IL1RAPL2: variants seen among roughly 807,000 people sequenced by gnomAD.
IL1RAPL2 encodes the protein interleukin 1 receptor accessory protein like 2, also known as X-linked interleukin-1 receptor accessory protein-like 2.
Under a neutral mutation model 44.1 loss-of-function variants are expected in IL1RAPL2, and 3 were observed. That is an observed-to-expected ratio of 0.07 (90% CI 0.03 to 0.18). The LOEUF (loss-of-function observed/expected upper bound fraction) is 0.18, where lower values mean the gene tolerates loss of function less well. Among genes scored for constraint, IL1RAPL2 ranks in the 10% least tolerant of loss-of-function variants. The pLI is 1.00. For synonymous variants in IL1RAPL2, 181 were observed against 178.8 expected, an observed-to-expected ratio of 1.01 and a Z score of -0.10; for missense variants, 391 against 496.4, an observed-to-expected ratio of 0.79 and a Z score of 2.02.
intron 2 of IL1RAPL2, among the ~76,000 whole-genome samples, chrX:104,769,687 T>C (rs1932610316): frequency 8.9e-6 from 1 of 112,010 alleles, no homozygotes; most frequent in African/African-American, 3.2e-5. Context: ...AATAGTTCCC[T>C]TAGAGATTGG....
chrX:105,384,530 A>G (rs1361578085), intron 5 of IL1RAPL2, among the ~76,000 whole-genome samples: 1 of 111,563 alleles, frequency 9.0e-6, no homozygotes, highest in African/African-American at 3.3e-5. Context: ...TATAATTTGA[A>G]GTCAAGGACT....
At chrX:104,863,344 C>A (rs1187683562) in intron 2 of IL1RAPL2, among the ~76,000 whole-genome samples, 1 of 111,555 alleles carries the variant, frequency 9.0e-6, no homozygotes, top group Non-Finnish European at 1.9e-5. Flanking sequence ...TCTCTTGTGG[C>A]AGGTTGGAGA....
intron 3 of IL1RAPL2, among the ~76,000 whole-genome samples, chrX:105,203,539 T>C (rs1297070681): frequency 1.8e-5 from 2 of 111,968 alleles, no homozygotes; most frequent in Non-Finnish European, 3.8e-5. Context: ...AAGTGTTGTC[T>C]GCATTCAGTT....
chrX:104,778,919 A>T (rs1370067261), intron 2 of IL1RAPL2, among the ~76,000 whole-genome samples: 1 of 110,385 alleles, frequency 9.1e-6, no homozygotes, highest in Admixed American at 9.8e-5. Context: ...AGGAGAGAAA[A>T]ATTTGTCCCT....
intron 2 of IL1RAPL2, among the ~76,000 whole-genome samples, chrX:104,980,793 A>G (rs2030421759): frequency 8.9e-6 from 1 of 111,736 alleles, no homozygotes; most frequent in Non-Finnish European, 1.9e-5. Context: ...TGCTTTGGCT[A>G]TTTGGACCTT....
intron 2 of IL1RAPL2, among the ~76,000 whole-genome samples, chrX:104,674,834 A>G (rs1314135343): frequency 1.8e-5 from 2 of 111,657 alleles, no homozygotes; most frequent in East Asian, 2.8e-4. Context: ...GGGAGAGTGT[A>G]TGTGTCAAGG....
At chrX:105,342,379 A>G (rs2035078464) in intron 5 of IL1RAPL2, among the ~76,000 whole-genome samples, 1 of 112,538 alleles carries the variant, frequency 8.9e-6, no homozygotes. Flanking sequence ...GTAATTTCAT[A>G]GAAAGGTCTA....
At chrX:104,600,459 C>A (rs1928858796) in intron 1 of IL1RAPL2, among the ~76,000 whole-genome samples, 1 of 111,111 alleles carries the variant, frequency 9.0e-6, no homozygotes, top group Admixed American at 9.6e-5. Flanking sequence ...TTCAGTTAAC[C>A]TAGGTTTTAG....
In IL1RAPL2 at chrX:104,677,815, C is replaced by G. The variant is rs750143248; in HGVS notation, c.82+18820C>G. On this transcript the variant is annotated intron_variant, in intron 2 of 10. Transcript: ENST00000372582. The stretch of plus-strand genomic sequence containing the variant: ...ATCTCGTGGTGCGCCGTTTTTTAAG[C>G]TCGTCGGAAAAGCGCGGTATTCGGG... Among the ~76,000 whole-genome samples the G allele has an allele frequency of 2.1e-4, 24 of 112,035 alleles. 1 individual carries two copies. The highest frequency in any genetic ancestry group is 9.3e-3 in the Middle Eastern group (2 of 216).
intron 5 of IL1RAPL2, among the ~76,000 whole-genome samples, chrX:105,401,689 C>A (rs1011720908): frequency 9.1e-6 from 1 of 110,496 alleles, no homozygotes; most frequent in Non-Finnish European, 1.9e-5. Flanking sequence ...GATCATCAAT[C>A]AGTGATTGAT....
chrX:105,539,380 A>G (rs1324835496), intron 6 of IL1RAPL2, among the ~76,000 whole-genome samples: 1 of 111,388 alleles, frequency 9.0e-6, no homozygotes, highest in Non-Finnish European at 1.9e-5. Flanking sequence ...TCATACTGAC[A>G]GCATCTGATA....
At chrX:104,630,720 T>C (rs1019686914) in intron 1 of IL1RAPL2, among the ~76,000 whole-genome samples, 1 of 111,936 alleles carries the variant, frequency 8.9e-6, no homozygotes, top group African/African-American at 3.2e-5. Context: ...AGGCACTGCA[T>C]CAAATCTGTA....
chrX:104,838,831 C>T (rs1602751291), intron 2 of IL1RAPL2, among the ~76,000 whole-genome samples: 1 of 52,013 alleles, frequency 1.9e-5, no homozygotes, highest in Non-Finnish European at 3.8e-5. Flanking sequence ...TTCTTTCTTT[C>T]TTTCTTTCTT....
At chrX:104,593,142 C>T (rs1054271191) in intron 1 of IL1RAPL2, among the ~76,000 whole-genome samples, 1 of 111,362 alleles carries the variant, frequency 9.0e-6, no homozygotes, top group African/African-American at 3.3e-5. Context: ...TGCAGGGCTG[C>T]TAACATTGGA....
chrX:104,750,644 T>G (rs1321935117), intron 2 of IL1RAPL2, among the ~76,000 whole-genome samples: 1 of 110,839 alleles, frequency 9.0e-6, no homozygotes, highest in Non-Finnish European at 1.9e-5. Context: ...GACTTGGGCG[T>G]GCACTTGCCT....
intron 6 of IL1RAPL2, among the ~76,000 whole-genome samples, chrX:105,680,261 A>G (rs1348809886): frequency 9.0e-6 from 1 of 111,707 alleles, no homozygotes; most frequent in East Asian, 2.8e-4. Flanking sequence ...GTCCTCCCAA[A>G]GTGTTGGGAT....
intron 2 of IL1RAPL2, among the ~76,000 whole-genome samples, chrX:105,184,519 A>G (rs1359882819): frequency 3.6e-5 from 4 of 109,825 alleles, no homozygotes; most frequent in Non-Finnish European, 7.6e-5. Flanking sequence ...GCAATTGAAT[A>G]CATTTAAATA....
At position 104,730,378 on chromosome X, in the gene IL1RAPL2, C is replaced by A. The variant is rs915370905; in HGVS notation, c.82+71383C>A. Among the ~76,000 whole-genome samples the A allele has an allele frequency of 2.1e-3, 157 of 74,869 alleles. 3 individuals are homozygous for A. The highest frequency in any genetic ancestry group is 4.1e-3 in the Non-Finnish European group (143 of 35,168). 65.0% of individuals were successfully genotyped at this position (74,869 alleles called of 115,157 possible). On this transcript the variant is annotated intron_variant, in intron 2 of 10. Transcript: ENST00000372582. ...CCTAATGCTATCCCTCCCCTCCCCC[C>A]CACCCCAGAACAGTCCCCAGAGTGT...
intron 2 of IL1RAPL2, among the ~76,000 whole-genome samples, chrX:105,108,550 A>G (rs1602957955): frequency 1.1e-5 from 1 of 87,575 alleles, no homozygotes; most frequent in South Asian, 5.8e-4. Context: ...CATATTGCCC[A>G]GGCTGGTCTC....
Sources: gnomAD v4.1 joint callset for allele counts (sites outside exome capture counted in the v4.1 genomes callset) on GRCh38, gnomAD v4.1.1 for gene constraint, MANE v1.5 for transcripts, NCBI Gene and HGNC (gene_info 2026-07-23, HGNC 2026-07-21) for gene names.